PPIL2: variants seen among roughly 807,000 people sequenced by gnomAD.
PPIL2 encodes peptidylprolyl isomerase like 2.
In PPIL2, 50 loss-of-function variants were observed where a neutral mutation model predicts 75.2. That is an observed-to-expected ratio of 0.66 (90% CI 0.53 to 0.84). The LOEUF is 0.84. Among genes scored for constraint, PPIL2 ranks in the 40% least tolerant of loss-of-function variants. The pLI is 0.00. For synonymous variants in PPIL2, 245 were observed against 258.8 expected (o/e 0.95, Z 0.51); for missense variants, 590 against 685.0 (o/e 0.86, Z 1.55).
chr22:21,695,479 A>G lies in PPIL2; in HGVS notation c.1552A>G (p.Ser518Gly). 3.8e-6 allele frequency: 6 copies of G among 1,598,640 alleles called. No homozygotes were observed. Among genetic ancestry groups the G allele is most frequent in the Non-Finnish European group, 5.1e-6 (6 of 1,172,180 alleles). ...GCCCAGTCGGGGTTTTGGGGACTTC[A>G]GCTCCTGGTAGCAGCAGGTTGGCCG... ...KKPSRGFGDFSSW is the reference protein window; with the variant it reads ...KKPSRGFGDFGSW Residue 518 changes from serine to glycine, a missense_variant, in exon 20 of 20, where the codon AGC becomes GGC. Coordinates refer to ENST00000398831, the MANE Select transcript of PPIL2 (RefSeq NM_014337.4).
chr22:21,677,139 GGCT>G lies in PPIL2; in HGVS notation c.295+2027_295+2029del, dbSNP rs200564215. ...GGGCTCCTCGCTTCTCAGACGGGGCGGCTGCCGGGCGGAGGGGCTCCTCACTTC... is the reference window on the plus strand; with the variant it reads ...GGGCTCCTCGCTTCTCAGACGGGGCGGCCGGGCGGAGGGGCTCCTCACTTC... On this transcript the variant is annotated intron_variant, in intron 6 of 19. Coordinates refer to ENST00000398831, the MANE Select transcript of PPIL2 (RefSeq NM_014337.4). Among the ~76,000 whole-genome samples the G allele has an allele frequency of 3.3e-4, 50 of 151,868 alleles. 1 individual carries two copies. The highest frequency in any genetic ancestry group is 1.1e-3 in the African/African-American group (44 of 41,440).
At chr22:21,684,983 G>T (rs970062188) in intron 10 of PPIL2, 70 bp downstream of exon 10, 1 of 1,570,470 alleles carries the variant, frequency 6.4e-7, no homozygotes, top group Admixed American at 1.9e-5. Flanking sequence ...CTCTTGGAGT[G>T]GTCCTGGGAA....
Position 21,688,068 on chromosome 22 carries a change from C to G in PPIL2, c.988-5C>G, listed in dbSNP as rs777060254. Reference sequence around the variant, plus strand: ...TGACTTGCTCACTGGCTTTTGTTTTCACAGATCCAAGGGGGCGACCCCACA... The same window carrying G: ...TGACTTGCTCACTGGCTTTTGTTTTGACAGATCCAAGGGGGCGACCCCACA... On this transcript the variant is annotated splice_region_variant and splice_polypyrimidine_tract_variant and intron_variant, in intron 13 of 19. Transcript: ENST00000398831. The G allele has an allele frequency of 6.2e-7, 1 of 1,614,212 alleles. No homozygotes were observed. Among genetic ancestry groups the G allele is most frequent in the South Asian group, 1.1e-5 (1 of 91,090 alleles).
rs143788333 is a variant in PPIL2 at position 21,672,365 on chromosome 22, A to G, written c.227A>G (p.Asn76Ser). The G allele has an allele frequency of 2.0e-4, 327 of 1,611,310 alleles. No individual in the cohort carries two copies. In the African/African-American group the frequency reaches 3.9e-3, roughly 19 times the overall value. ...CCATGGCTTAAGAAGTACGGGACCA[A>G]CCCCAGCAATGGAGAGGTAGGTGGC... The part of the protein sequence containing the change: ...IVPWLKKYGT[N>S]PSNGEKLDGR... The change falls in exon 5 of 20, where the codon AAC (asparagine) becomes AGC (serine). Residue 76 changes from asparagine to serine, a missense_variant. Coordinates refer to ENST00000398831, the MANE Select transcript of PPIL2 (RefSeq NM_014337.4).
chr22:21,688,674 T>C lies in PPIL2; in HGVS notation c.1022-58T>C, dbSNP rs2067485972. On this transcript the variant is annotated intron_variant, in intron 14 of 19. Coordinates refer to ENST00000398831, the MANE Select transcript of PPIL2 (RefSeq NM_014337.4). Reference sequence around the variant, plus strand: ...ATGCCCCTCGGGACTCTGAGGTTTCTAGTTCTGCCTCGGCTGGGGCCCAGG... The same window carrying C: ...ATGCCCCTCGGGACTCTGAGGTTTCCAGTTCTGCCTCGGCTGGGGCCCAGG... The C allele has an allele frequency of 7.2e-5, 111 of 1,540,300 alleles. 2 individuals are homozygous for C. In the South Asian group the frequency reaches 7.7e-4, roughly 11 times the overall value.
chr22:21,681,349 A>T lies in PPIL2; in HGVS notation c.346A>T (p.Ile116Phe). The change falls in exon 7 of 20, where the codon ATC (isoleucine) becomes TTC (phenylalanine). Residue 116 changes from isoleucine (I) to phenylalanine (F), a missense_variant. By Grantham distance (21) the Ile-to-Phe change is conservative (BLOSUM62 0). Transcript: ENST00000398831. ...TACCGTGTTCACCAACAACACCCAC[A>T]TCGTGGCTGTGAGGACGACCGGCAA... ...LFTVFTNNTH[I>F]VAVRTTGNVY... is the part of the protein sequence containing the mutation. 6.2e-7 allele frequency: 1 copy of T among 1,614,128 alleles called. No individual in the cohort carries two copies. The highest frequency in any genetic ancestry group is 8.5e-7 in the Non-Finnish European group (1 of 1,179,986).
At chr22:21,693,152 A>G (rs1383970999) in intron 15 of PPIL2, among the ~76,000 whole-genome samples, 3 of 151,818 alleles carry the variant, frequency 2.0e-5, no homozygotes, top group African/African-American at 7.3e-5. Context: ...GGTTAAAGCG[A>G]TTCTCCTGCC....
chr22:21,684,829 G>T lies in PPIL2; in HGVS notation c.630G>T (p.Glu210Asp). The part of the protein sequence containing the change: ...TNAETRETLQ[E>D]LYKEFKGDEI... ...CCGAGACCCGAGAGACCCTGCAGGA[G>T]CTCTACAAGGAGTTCAAAGGGGACG... The change falls in exon 10 of 20, where the codon GAG becomes GAT. Residue 210 changes from glutamate to aspartate, a missense_variant. Glu to Asp is a conservative substitution (Grantham distance 45, BLOSUM62 2). Transcript: ENST00000398831. 1 of 1,614,192 alleles carries T rather than the reference G, an allele frequency of 6.2e-7. No homozygotes were observed. The highest frequency in any genetic ancestry group is 8.5e-7 in the Non-Finnish European group (1 of 1,180,024).
Position 21,697,263 on chromosome 22 carries a change from G to A in PPIL2, c.*1773G>A, listed in dbSNP as rs748620387. 3 of 439,278 alleles carry A rather than the reference G, an allele frequency of 6.8e-6. No homozygotes were observed. Among genetic ancestry groups the A allele is most frequent in the East Asian group, 4.4e-5 (1 of 22,988 alleles). The allele number at this position is 439,278 out of a possible 1,614,324, so 27.2% of individuals were successfully genotyped here. A position where few individuals can be genotyped will look rare whatever the true frequency, so the allele number is the denominator to read the frequency against. On this transcript the variant is annotated 3_prime_UTR_variant, in exon 20 of 20. Coordinates refer to ENST00000398831, the MANE Select transcript of PPIL2 (RefSeq NM_014337.4). ...GAGCCAGCGTCCAGGGTACAGGTGC[G>A]GGTGGTGGGGATGAAGGCCTGACCA...
intron 6 of PPIL2, among the ~76,000 whole-genome samples, chr22:21,680,610 A>G (rs2067074035): frequency 6.6e-6 from 1 of 151,982 alleles, no homozygotes; most frequent in Admixed American, 6.6e-5. Flanking sequence ...TGGGCAGATC[A>G]TTAGGTCAGG....
At chr22:21,692,376 G>T (rs528193135) in intron 15 of PPIL2, among the ~76,000 whole-genome samples, 5 of 150,832 alleles carry the variant, frequency 3.3e-5, no homozygotes, top group East Asian at 2.0e-4. Context: ...GGATGGTCTC[G>T]ATCTCCTGAC....
At chr22:21,682,930 C>T (rs939641894) in intron 8 of PPIL2, among the ~76,000 whole-genome samples, 3 of 152,212 alleles carry the variant, frequency 2.0e-5, no homozygotes, top group Non-Finnish European at 4.4e-5. Flanking sequence ...TGCTCGTTAG[C>T]CATGTGCCTG....
At chr22:21,675,253 C>A in intron 6 of PPIL2, 138 bp downstream of exon 6, 2 of 811,348 alleles carry the variant, frequency 2.5e-6, no homozygotes, top group Non-Finnish European at 4.0e-6. Flanking sequence ...AAAAGTGTCA[C>A]AGGGCTGGGC....
chr22:21,692,302 C>G (rs1432927113), intron 15 of PPIL2, among the ~76,000 whole-genome samples: 2 of 151,974 alleles, frequency 1.3e-5, no homozygotes, highest in Admixed American at 6.6e-5. Flanking sequence ...ACTACAGGCG[C>G]CCGCCACACG....
intron 6 of PPIL2, among the ~76,000 whole-genome samples, chr22:21,679,206 T>C (rs1476007931): frequency 6.6e-6 from 1 of 151,948 alleles, no homozygotes; most frequent in Non-Finnish European, 1.5e-5. Flanking sequence ...CCAGCTACTT[T>C]TTTAATTTTT....
At chr22:21,676,193 C>T (rs1261280549) in intron 6 of PPIL2, among the ~76,000 whole-genome samples, 2 of 151,738 alleles carry the variant, frequency 1.3e-5, no homozygotes, top group Non-Finnish European at 2.9e-5. Context: ...GAGGACACGG[C>T]GCTCCACCCT....
intron 6 of PPIL2, among the ~76,000 whole-genome samples, chr22:21,679,041 C>T (rs2066995752): frequency 6.6e-6 from 1 of 151,858 alleles, no homozygotes; most frequent in South Asian, 2.1e-4. Context: ...GGATTACAGG[C>T]ATGTGCCACC....
chr22:21,671,142 T>TAGGG, intron 4 of PPIL2, 83 bp downstream of exon 4: 1 of 1,377,630 alleles, frequency 7.3e-7, no homozygotes, highest in South Asian at 1.2e-5. Context: ...TACCCTTGGG[T>TAGGG]AGGGCTCTTG....
chr22:21,680,640 T>C (rs2067075199), intron 6 of PPIL2, among the ~76,000 whole-genome samples: 1 of 151,546 alleles, frequency 6.6e-6, no homozygotes, highest in South Asian at 2.1e-4. Context: ...CCATCCTGGC[T>C]AACATGGTGA....
Sources: gnomAD v4.1 joint callset for allele counts (sites outside exome capture counted in the v4.1 genomes callset) on GRCh38, gnomAD v4.1.1 for gene constraint, MANE v1.5 for transcripts, NCBI Gene and HGNC (gene_info 2026-07-23, HGNC 2026-07-21) for gene names.